HTT: variants seen among roughly 807,000 people sequenced by gnomAD.
HTT encodes huntington disease protein.
Under a neutral mutation model 362.3 loss-of-function variants are expected in HTT, and 104 were observed. The ratio of observed to expected loss-of-function variants is 0.29; its 90% CI spans 0.24 to 0.34. HTT has a LOEUF of 0.34. Among genes scored for constraint, HTT ranks in the 10% least tolerant of loss-of-function variants. The probability of loss-of-function intolerance (pLI) is 1.00; values close to 1 mark genes in which losing one functional copy is unlikely to be tolerated. For synonymous variants in HTT, 1,577 were observed against 1,548.7 expected, an observed-to-expected ratio of 1.02 and a Z score of -0.43; for missense variants, 3,301 against 3,928.6, an observed-to-expected ratio of 0.84 and a Z score of 4.27.
chr4:3,104,084 C>G (rs112391116), intron 4 of HTT, among the ~76,000 whole-genome samples: 1 of 151,916 alleles, frequency 6.6e-6, no homozygotes, highest in Non-Finnish European at 1.5e-5. Flanking sequence ...ACAAACAATC[C>G]AGTTACATGC....
In HTT at chr4:3,228,592, G is replaced by A; in HGVS notation, c.7849-23G>A. On this transcript the variant is annotated intron_variant, in intron 57 of 66. Transcript: ENST00000355072. This position sits in a 1 kb window ranked among gnomAD's most constrained non-coding sequence, Gnocchi z 4.3. ...CCTGGCACTGTGGCCGCAGCACTGAGCAGTGCCCCGTTTCTGTGGCAGGTG... is the reference window on the plus strand; with the variant it reads ...CCTGGCACTGTGGCCGCAGCACTGAACAGTGCCCCGTTTCTGTGGCAGGTG... The A allele has an allele frequency of 6.5e-7, 1 of 1,543,592 alleles. No homozygotes were observed.
intron 66 of HTT, 46 bp from the exon 67 acceptor site, chr4:3,239,800 A>G (rs757514542): frequency 7.5e-7 from 1 of 1,337,362 alleles, no homozygotes; most frequent in South Asian, 1.3e-5. Flanking sequence ...ACAGGGAGGC[A>G]GCATTCCCCT....
At chr4:3,103,946 T>C in intron 4 of HTT, 63 bp downstream of exon 4, 1 of 926,852 alleles carries the variant, frequency 1.1e-6, no homozygotes, top group South Asian at 1.4e-5. Context: ...GTACACGTAT[T>C]TTGTAGGTAC....
At chr4:3,172,216 C>T (rs1718016957) in intron 29 of HTT, 104 bp from the exon 30 acceptor site, 1 of 766,292 alleles carries the variant, frequency 1.3e-6, no homozygotes, top group East Asian at 2.5e-5. Flanking sequence ...CTACTATTTA[C>T]ACAATTTAAA....
At chr4:3,213,660 C>T (rs993895752) in intron 49 of HTT, among the ~76,000 whole-genome samples, 1 of 152,206 alleles carries the variant, frequency 6.6e-6, no homozygotes, top group Non-Finnish European at 1.5e-5. Flanking sequence ...AAGGAAGAGC[C>T]TCTGGCCTGG....
intron 38 of HTT, 86 bp from the exon 39 acceptor site, chr4:3,187,565 T>A: frequency 4.5e-6 from 4 of 897,800 alleles, no homozygotes; most frequent in Non-Finnish European, 7.3e-6. Flanking sequence ...AAATAGGAGT[T>A]ATTTTCTTTC....
chr4:3,173,291 G>A, intron 31 of HTT, 160 bp downstream of exon 31: 1 of 641,468 alleles, frequency 1.6e-6, no homozygotes, highest in Non-Finnish European at 2.7e-6. Context: ...ATGCAAAGAT[G>A]ATTTAAGGCA....
intron 29 of HTT, among the ~76,000 whole-genome samples, chr4:3,167,773 TA>T (rs1717784845): frequency 6.6e-6 from 1 of 152,234 alleles, no homozygotes; most frequent in South Asian, 2.1e-4. Flanking sequence ...TATATATTTT[TA>T]AAGGTACATA....
At chr4:3,129,785 C>T in intron 12 of HTT, 139 bp from the exon 13 acceptor site, 1 of 990,872 alleles carries the variant, frequency 1.0e-6, no homozygotes, top group Non-Finnish European at 1.6e-6. Context: ...CATTTCTGTG[C>T]CTTGAAATAA....
intron 1 of HTT, among the ~76,000 whole-genome samples, chr4:3,078,892 G>A (rs1210603369): frequency 2.0e-5 from 3 of 152,210 alleles, no homozygotes; most frequent in East Asian, 3.9e-4. Context: ...CTGCCACCAC[G>A]TCCAGCTAAT....
intron 59 of HTT, 60 bp downstream of exon 59, chr4:3,229,069 CACA>C: frequency 6.7e-7 from 1 of 1,493,896 alleles, no homozygotes; most frequent in East Asian, 2.3e-5. Flanking sequence ...ACACACGCCA[CACA>C]CCCCACACAC....
At chr4:3,088,134 G>GCCCTCTCTTGTCTTTTTATTGTGGTAAAA in intron 2 of HTT, among the ~76,000 whole-genome samples, 1 of 150,990 alleles carries the variant, frequency 6.6e-6, no homozygotes, top group East Asian at 2.0e-4. Context: ...AGGGCGCCCG[G>GCCCTCTCTTGTCTTTTTATTGTGGTAAAA]TGATTCATTT....
At chr4:3,151,028 GA>G (rs1716856149) in intron 26 of HTT, among the ~76,000 whole-genome samples, 1 of 150,438 alleles carries the variant, frequency 6.6e-6, no homozygotes, top group Non-Finnish European at 1.5e-5. Flanking sequence ...GACAGAGCGA[GA>G]CTCTGTCTCA....
In HTT at chr4:3,242,474, C is replaced by G. The variant is rs1333712259; in HGVS notation, c.*2415C>G. On this transcript the variant is annotated 3_prime_UTR_variant, in exon 67 of 67. Transcript: ENST00000355072. ...GAGATGCATGGCCTCTAAGAGTGCC[C>G]GTGTCGGTTCTTCCTGGAAGTTGAC... 3 of 152,206 alleles carry G rather than the reference C, an allele frequency of 2.0e-5. No individual in the cohort carries two copies. Among genetic ancestry groups the G allele is most frequent in the Non-Finnish European group, 4.4e-5 (3 of 68,044 alleles). The allele number at this position is 152,206 out of a possible 1,614,324, so 9.4% of individuals were successfully genotyped here. A position where few individuals can be genotyped will look rare whatever the true frequency, so the allele number is the denominator to read the frequency against.
In HTT at chr4:3,140,528, T is replaced by C; in HGVS notation, c.2817T>C (p.Phe939=). ...GTGTTAGGCTTGTCCCAAAGCTGTT[T>C]TATAAATGTGACCAAGGACAAGCTG... ...ASLIRLVPKL[F]YKCDQGQADP... The change falls in exon 22 of 67, where the codon TTT becomes TTC. Residue 939 remains phenylalanine (F), a synonymous_variant. Transcript: ENST00000355072. The C allele has an allele frequency of 6.2e-7, 1 of 1,614,186 alleles. No homozygotes were observed. The highest frequency in any genetic ancestry group is 8.5e-7 in the Non-Finnish European group (1 of 1,180,010).
intron 3 of HTT, among the ~76,000 whole-genome samples, chr4:3,103,221 A>ATT (rs748779241): frequency 0.11 from 11,486 of 109,008 alleles, 1,425 homozygotes; most frequent in African/African-American, 0.21. Context: ...TATATATATA[A>ATT]TTTTTTTTTT....
intron 56 of HTT, among the ~76,000 whole-genome samples, chr4:3,224,866 G>C (rs540322599): frequency 7.9e-5 from 12 of 152,316 alleles, no homozygotes; most frequent in African/African-American, 2.9e-4. Context: ...GGAGGGCCAT[G>C]GATCCAGCCT....
At chr4:3,229,261 CCACACACATGCCACATG>C (rs141237808) in intron 59 of HTT, among the ~76,000 whole-genome samples, 43,904 of 146,158 alleles carry the variant, frequency 0.3, 6,677 homozygotes, top group East Asian at 0.37. Flanking sequence ...ACCACATGCA[CCACACACATGCCACATG>C]CACACACACT....
chr4:3,152,998 A>G (rs746453486), intron 26 of HTT, among the ~76,000 whole-genome samples: 1 of 151,956 alleles, frequency 6.6e-6, no homozygotes, highest in Non-Finnish European at 1.5e-5. Context: ...CTTCCAGTCC[A>G]TGCACCCGAT....
Sources: allele counts gnomAD v4.1 joint callset (sites outside exome capture counted in the v4.1 genomes callset), GRCh38; gene constraint gnomAD v4.1.1; non-coding constraint Gnocchi (gnomAD v3.1); transcripts MANE v1.5; gene names NCBI Gene and HGNC (gene_info 2026-07-23, HGNC 2026-07-21).